Variants in SCN8A observed in about 807,000 individuals in gnomAD.
The protein encoded by SCN8A is sodium channel protein type 8 subunit alpha.
SCN8A carries 30 observed loss-of-function variants against 184.1 expected under a neutral mutation model. That is an observed-to-expected ratio of 0.16 (90% CI 0.12 to 0.22). The LOEUF (loss-of-function observed/expected upper bound fraction) is 0.22. SCN8A is among the 10% of genes least tolerant of loss of function. The pLI is 1.00. For missense variants in SCN8A, 1,057 were observed against 2,498.9 expected (o/e 0.42, Z 12.30); for synonymous variants, 852 against 907.0 (o/e 0.94, Z 1.09).
intron 1 of SCN8A, among the ~76,000 whole-genome samples, chr12:51,654,987 C>A (rs532837359): frequency 6.6e-6 from 1 of 151,916 alleles, no homozygotes; most frequent in African/African-American, 2.4e-5. Flanking sequence ...GCAACCTCCA[C>A]CTCCCAGGTT....
At chr12:51,622,726 T>G (rs1376598765) in intron 1 of SCN8A, among the ~76,000 whole-genome samples, 1 of 152,184 alleles carries the variant, frequency 6.6e-6, no homozygotes, top group East Asian at 1.9e-4. Flanking sequence ...TTTTTTCTCT[T>G]TCTATACTGC....
At chr12:51,643,128 C>T (rs1200170726) in intron 1 of SCN8A, among the ~76,000 whole-genome samples, 3 of 152,064 alleles carry the variant, frequency 2.0e-5, no homozygotes, top group African/African-American at 4.8e-5. Flanking sequence ...AAACTTCATG[C>T]GAGCTGTCAG....
chr12:51,621,596 T>G (rs1939964638), intron 1 of SCN8A, among the ~76,000 whole-genome samples: 1 of 152,234 alleles, frequency 6.6e-6, no homozygotes, highest in South Asian at 2.1e-4. Context: ...ATGTATATGA[T>G]GATGATTCTT....
At position 51,705,581 on chromosome 12, in the gene SCN8A, A is replaced by G; in HGVS notation, c.1299A>G (p.Lys433=). The G allele has an allele frequency of 6.2e-7, 1 of 1,613,926 alleles. No individual in the cohort carries two copies. The highest frequency in any genetic ancestry group is 8.5e-7 in the Non-Finnish European group (1 of 1,179,844). ...CAGAACAAAAAGAGGCTGAATTTAA[A>G]GCAATGTTGGAGCAACTTAAGAAGC... ...EEAEQKEAEF[K]AMLEQLKKQQ... is the part of the protein sequence containing the mutation. Residue 433 remains lysine, a synonymous_variant, in exon 10 of 27, where the codon AAA becomes AAG. Coordinates refer to ENST00000627620, the MANE Select transcript of SCN8A (RefSeq NM_001330260.2).
At chr12:51,691,690 A>C (rs1941511619) in intron 6 of SCN8A, among the ~76,000 whole-genome samples, 1 of 152,166 alleles carries the variant, frequency 6.6e-6, no homozygotes, top group South Asian at 2.1e-4. Context: ...ACATTAAGGG[A>C]TAGTAAAGCG....
At chr12:51,711,762 C>T (rs1161095126) in intron 11 of SCN8A, among the ~76,000 whole-genome samples, 3 of 146,004 alleles carry the variant, frequency 2.1e-5, no homozygotes, top group African/African-American at 5.0e-5. Flanking sequence ...TGAAGGTAAT[C>T]GTAATGCTAT....
intron 15 of SCN8A, among the ~76,000 whole-genome samples, chr12:51,764,371 A>G (rs749903250): frequency 2.6e-5 from 4 of 152,190 alleles, no homozygotes; most frequent in Non-Finnish European, 5.9e-5. Context: ...ACAGTGGCTT[A>G]CACCTGTAAT....
chr12:51,662,781 C>G lies in SCN8A; in HGVS notation c.-37C>G. 3 of 1,604,756 alleles carry G rather than the reference C, an allele frequency of 1.9e-6. No individual in the cohort carries two copies. Among genetic ancestry groups the G allele is most frequent in the Non-Finnish European group, 2.6e-6 (3 of 1,174,950 alleles). On this transcript the variant is annotated 5_prime_UTR_variant, in exon 2 of 27. Transcript: ENST00000627620. ...TCTTCCAGAGCTGACCTGTCCTGGA[C>G]GCAGCATAACTAACGAAGCTGCTGC...
rs146725931 is a variant in SCN8A, at chr12:51,728,487, G to A, written c.1998+6579G>A. Among the ~76,000 whole-genome samples the A allele has an allele frequency of 3.1e-3, 472 of 152,076 alleles. 1 individual carries two copies. Among genetic ancestry groups the A allele is most frequent in the African/African-American group, 6.1e-3 (252 of 41,472 alleles). The stretch of plus-strand genomic sequence containing the variant: ...GGTGGCCCTTACCTGTAATCCCAAC[G>A]CTTTGGGAGGCTGAGGCAGGAAAAT... On this transcript the variant is annotated intron_variant, in intron 12 of 26. Coordinates refer to ENST00000627620, the MANE Select transcript of SCN8A (RefSeq NM_001330260.2).
Position 51,754,963 on chromosome 12 carries a change from G to A in SCN8A, c.2370+3370G>A, listed in dbSNP as rs987251547. Among the ~76,000 whole-genome samples, 7 of 152,146 alleles carry A rather than the reference G, an allele frequency of 4.6e-5. No homozygotes were observed. In the South Asian group the frequency reaches 8.3e-4, roughly 18 times the overall value. On this transcript the variant is annotated intron_variant, in intron 14 of 26. Transcript: ENST00000627620. ...CCAGGCTTTTCATCTGTGAAGTTAC[G>A]CTTTTTCCATTTACAGTAAGTCCCC...
intron 19 of SCN8A, among the ~76,000 whole-genome samples, chr12:51,772,912 T>G (rs374701906): frequency 6.6e-6 from 1 of 151,902 alleles, no homozygotes; most frequent in Admixed American, 6.5e-5. Flanking sequence ...GTCAGGAGAT[T>G]GAGACCATCC....
Position 51,751,454 on chromosome 12 carries a change from A to C in SCN8A, c.2231A>C (p.Glu744Ala). 1 of 1,613,948 alleles carries C rather than the reference A, an allele frequency of 6.2e-7. No individual in the cohort carries two copies. Among genetic ancestry groups the C allele is most frequent in the Non-Finnish European group, 8.5e-7 (1 of 1,179,872 alleles). The stretch of plus-strand genomic sequence containing the variant: ...CACCCCTACTGGATAAAACTGAAAG[A>C]GATTGTGAACTTGATAGTTATGGAC... ...ECHPYWIKLK[E>A]IVNLIVMDPF... The change falls in exon 14 of 27, where the codon GAG becomes GCG. Residue 744 changes from glutamate (E) to alanine (A), a missense_variant. Glu to Ala is a moderately radical substitution (Grantham distance 107). Transcript: ENST00000627620.
At chr12:51,712,802 C>T (rs982571419) in intron 11 of SCN8A, 5 of 1,170,978 alleles carry the variant, frequency 4.3e-6, no homozygotes, top group Middle Eastern at 2.0e-4. Context: ...CTTCCAAATC[C>T]ATTATATCCA....
chr12:51,684,744 A>G (rs1241507136), intron 3 of SCN8A, among the ~76,000 whole-genome samples: 10 of 152,192 alleles, frequency 6.6e-5, no homozygotes, highest in African/African-American at 2.2e-4. Flanking sequence ...TGAGCTTAGA[A>G]AGTGAGATAG....
Position 51,650,706 on chromosome 12 carries a change from C to T in SCN8A, c.-54-12058C>T, listed in dbSNP as rs140692577. ...CCATGCTGGATGGTTGTGGGTTTAC[C>T]GGAATGAGGGCAAGGAACACCTGGC... On this transcript the variant is annotated intron_variant, in intron 1 of 26. Coordinates refer to ENST00000627620, the MANE Select transcript of SCN8A (RefSeq NM_001330260.2). Among the ~76,000 whole-genome samples, 1,447 of 152,100 alleles carry T rather than the reference C, an allele frequency of 9.5e-3. 20 individuals carry two copies. Among genetic ancestry groups the T allele is most frequent in the African/African-American group, 0.032 (1,310 of 41,490 alleles).
chr12:51,767,517 A>G (rs986946178), intron 16 of SCN8A, among the ~76,000 whole-genome samples: 2 of 152,062 alleles, frequency 1.3e-5, no homozygotes, highest in Non-Finnish European at 2.9e-5. Flanking sequence ...CTTTCTTCAT[A>G]GTATCTAAGA....
rs34564079 is a variant in SCN8A, at chr12:51,679,721, C to CTTTTTTTTTTT, written c.277-4441_277-4431dup. On this transcript the variant is annotated intron_variant, in intron 2 of 26. Transcript: ENST00000627620. Reference sequence around the variant, plus strand: ...TGTGTTTGTCCAAAGACTATCTTGCCTTTTTTTTTTTTTTTTTTTTTTGAG... The same window carrying CTTTTTTTTTTT: ...TGTGTTTGTCCAAAGACTATCTTGCCTTTTTTTTTTTTTTTTTTTTTTTTTTTTTTTTTGAG... Among the ~76,000 whole-genome samples, 267 of 85,456 alleles carry CTTTTTTTTTTT rather than the reference C, an allele frequency of 3.1e-3. 19 individuals carry two copies. The highest frequency in any genetic ancestry group is 8.3e-3 in the African/African-American group (182 of 22,034). 56.1% of individuals were successfully genotyped at this position (85,456 alleles called of 152,430 possible).
intron 1 of SCN8A, among the ~76,000 whole-genome samples, chr12:51,641,264 G>C (rs1019038162): frequency 6.6e-6 from 1 of 152,190 alleles, no homozygotes; most frequent in Non-Finnish European, 1.5e-5. Flanking sequence ...TTTTACATAA[G>C]AGACTTGAGC....
At chr12:51,637,218 T>C (rs1940337559) in intron 1 of SCN8A, among the ~76,000 whole-genome samples, 3 of 152,116 alleles carry the variant, frequency 2.0e-5, no homozygotes, top group Admixed American at 1.3e-4. Context: ...TCTCTCTCCC[T>C]CTCCTCAGGC....
Sources: gnomAD v4.1 joint callset for allele counts (sites outside exome capture counted in the v4.1 genomes callset) on GRCh38, gnomAD v4.1.1 for gene constraint, MANE v1.5 for transcripts, NCBI Gene and HGNC (gene_info 2026-07-23, HGNC 2026-07-21) for gene names.